CDC42BPA: variants seen among roughly 807,000 people sequenced by gnomAD.
CDC42BPA encodes the protein CDC42 binding protein kinase alpha.
CDC42BPA carries 80 observed loss-of-function variants against 223.5 expected under a neutral mutation model. The observed-to-expected ratio is 0.36, with a 90% CI of 0.30 to 0.43. The LOEUF is 0.43. CDC42BPA is among the 20% of genes least tolerant of loss of function. The probability of loss-of-function intolerance (pLI) is 1.00; values close to 1 mark genes in which losing one functional copy is unlikely to be tolerated. For missense variants in CDC42BPA, 1,743 were observed against 2,099.9 expected (o/e 0.83, Z 3.32); for synonymous variants, 694 against 718.6 (o/e 0.97, Z 0.55).
Position 227,265,321 on chromosome 1 carries a change from A to T in CDC42BPA, c.179-11166T>A, listed in dbSNP as rs1684799249. 13 of 420,854 alleles carry T rather than the reference A, an allele frequency of 3.1e-5. No homozygotes were observed. In the South Asian group the frequency reaches 3.1e-4, roughly 10 times the overall value. 26.1% of individuals were successfully genotyped at this position (420,854 alleles called of 1,614,324 possible). A position where few individuals can be genotyped will look rare whatever the true frequency, so the allele number is the denominator to read the frequency against. On this transcript the variant is annotated intron_variant, in intron 1 of 36. Transcript: ENST00000366766. ...GCTTCGTTTCCCTACCTGTACAGGT[A>T]CCTATACCTCATAACCCTCACAGGG... is the stretch of plus-strand genomic sequence containing the variant.
chr1:227,055,838 C>T (rs926167064), intron 21 of CDC42BPA, among the ~76,000 whole-genome samples: 7 of 150,390 alleles, frequency 4.7e-5, no homozygotes, highest in East Asian at 3.9e-4. Flanking sequence ...GTTACTCTGA[C>T]GAACAGTCAT....
intron 1 of CDC42BPA, among the ~76,000 whole-genome samples, chr1:227,292,109 A>G (rs1186668436): frequency 6.6e-6 from 1 of 151,958 alleles, no homozygotes; most frequent in Non-Finnish European, 1.5e-5. Context: ...CAGCCTCCCG[A>G]GTAGCTGGGA....
At chr1:227,226,435 C>T (rs549466660) in intron 2 of CDC42BPA, among the ~76,000 whole-genome samples, 1 of 152,280 alleles carries the variant, frequency 6.6e-6, no homozygotes, top group African/African-American at 2.4e-5. Context: ...CACCTCCTTA[C>T]AGCTCAAACA....
chr1:227,135,656 T>C (rs1329067941), intron 10 of CDC42BPA, among the ~76,000 whole-genome samples: 1 of 151,806 alleles, frequency 6.6e-6, no homozygotes, highest in Non-Finnish European at 1.5e-5. Flanking sequence ...AGATCGAGAC[T>C]ATCCTGGCTT....
At chr1:227,031,613 A>G (rs1319103) in intron 27 of CDC42BPA, 99 bp from the exon 28 acceptor site, 321,417 of 872,314 alleles carry the variant, frequency 0.37, 62,488 homozygotes, top group African/African-American at 0.41. Flanking sequence ...CCAATAAAAT[A>G]AGCATTCATT....
chr1:227,132,003 C>T (rs1310286971), intron 10 of CDC42BPA, among the ~76,000 whole-genome samples: 2 of 152,156 alleles, frequency 1.3e-5, no homozygotes, highest in Non-Finnish European at 2.9e-5. Flanking sequence ...CTGCTACAAG[C>T]ATTTAACATC....
intron 1 of CDC42BPA, among the ~76,000 whole-genome samples, chr1:227,264,080 A>C (rs767647359): frequency 6.6e-6 from 1 of 152,226 alleles, no homozygotes; most frequent in Non-Finnish European, 1.5e-5. Flanking sequence ...CTATTCATGA[A>C]GACAGCTGCT....
intron 6 of CDC42BPA, among the ~76,000 whole-genome samples, chr1:227,152,596 A>C (rs1661996048): frequency 6.6e-6 from 1 of 152,212 alleles, no homozygotes; most frequent in South Asian, 2.1e-4. Context: ...AACTTGATCA[A>C]GTCAACAGAA....
intron 5 of CDC42BPA, among the ~76,000 whole-genome samples, chr1:227,177,052 T>C (rs1286825849): frequency 6.6e-6 from 1 of 151,192 alleles, no homozygotes; most frequent in Non-Finnish European, 1.5e-5. Context: ...CTCATAGCTG[T>C]CATATACATT....
intron 31 of CDC42BPA, among the ~76,000 whole-genome samples, chr1:227,025,190 C>A (rs1221148669): frequency 3.3e-5 from 5 of 152,106 alleles, no homozygotes; most frequent in Non-Finnish European, 7.4e-5. Context: ...CTGCAGTGAG[C>A]TGATATCATG....
rs1243330058 is a variant in CDC42BPA, at chr1:227,147,378, C to T, written c.875G>A (p.Gly292Glu). The change falls in exon 7 of 37, where the codon GGA (glycine) becomes GAA (glutamate). Residue 292 changes from glycine to glutamate, a missense_variant. By Grantham distance (98) the Gly-to-Glu change is moderately conservative. This residue lies in a region of CDC42BPA where 321 missense variants were observed against 488.7 expected (regional missense o/e 0.66). Transcript: ENST00000366766. ...ACTAACTTTGTGGTTCATGATTTTT[C>T]CGTATGTCTCCACCAGCGATTCTGC... ...FYAESLVETY[G>E]KIMNHKERFQ... 1 of 1,610,270 alleles carries T rather than the reference C, an allele frequency of 6.2e-7. No individual in the cohort carries two copies. The highest frequency in any genetic ancestry group is 1.7e-5 in the Admixed American group (1 of 59,356).
chr1:227,034,916 T>C (rs16846854), intron 25 of CDC42BPA, 122 bp from the exon 26 acceptor site: 43,549 of 821,660 alleles, frequency 0.053, 2,677 homozygotes, highest in East Asian at 0.28. Flanking sequence ...AAGTCTGCCA[T>C]TCTGGTTGGT....
At chr1:227,105,538 G>A (rs911306746) in intron 14 of CDC42BPA, among the ~76,000 whole-genome samples, 2 of 151,758 alleles carry the variant, frequency 1.3e-5, no homozygotes, top group Non-Finnish European at 2.9e-5. Context: ...ATTTTCTGTA[G>A]AGATGGGGTC....
chr1:227,198,636 C>A (rs1254254550), intron 4 of CDC42BPA, among the ~76,000 whole-genome samples: 1 of 152,006 alleles, frequency 6.6e-6, no homozygotes, highest in African/African-American at 2.4e-5. Context: ...ATCAGATAAA[C>A]CCCATGAGCA....
intron 2 of CDC42BPA, among the ~76,000 whole-genome samples, chr1:227,221,187 C>T (rs891108490): frequency 1.3e-5 from 2 of 152,306 alleles, no homozygotes; most frequent in East Asian, 1.9e-4. Flanking sequence ...AATTAATATA[C>T]TTCTCTAATC....
At chr1:227,256,113 A>G (rs922719081) in intron 1 of CDC42BPA, among the ~76,000 whole-genome samples, 1 of 152,244 alleles carries the variant, frequency 6.6e-6, no homozygotes, top group African/African-American at 2.4e-5. Context: ...TTTAATAAAC[A>G]TTTCTCCAAA....
chr1:227,245,750 T>C (rs951533963), intron 2 of CDC42BPA, among the ~76,000 whole-genome samples: 15 of 152,086 alleles, frequency 9.9e-5, no homozygotes, highest in Non-Finnish European at 1.8e-4. Flanking sequence ...AAGGATCCAG[T>C]CCTGGCAGGA....
At chr1:227,047,796 C>A in intron 23 of CDC42BPA, 131 bp downstream of exon 23, 1 of 572,142 alleles carries the variant, frequency 1.7e-6, no homozygotes, top group East Asian at 3.0e-5. Context: ...TGCATTCACA[C>A]ATAATTTATT....
At chr1:227,053,543 CT>C (rs1673958642) in intron 21 of CDC42BPA, among the ~76,000 whole-genome samples, 1 of 152,116 alleles carries the variant, frequency 6.6e-6, no homozygotes, top group Non-Finnish European at 1.5e-5. Context: ...TGTGATGTGG[CT>C]GATTTCATGA....
Sources: gnomAD v4.1 joint callset for allele counts (sites outside exome capture counted in the v4.1 genomes callset) on GRCh38, gnomAD v4.1.1 for gene constraint, gnomAD v4.1.1 regional missense constraint, MANE v1.5 for transcripts, NCBI Gene and HGNC (gene_info 2026-07-23, HGNC 2026-07-21) for gene names.